DZIP3: variants seen among roughly 807,000 people sequenced by gnomAD.
DZIP3 encodes DAZ interacting zinc finger protein 3.
In DZIP3, 118 loss-of-function variants were observed where a neutral mutation model predicts 162.0. The observed-to-expected ratio is 0.73, with a 90% CI of 0.63 to 0.85. The LOEUF is 0.85. Ranked by LOEUF, DZIP3 falls within the 40% of genes least tolerant of loss-of-function variation. The pLI, the probability that DZIP3 is intolerant of heterozygous loss-of-function variation, is 0.00. For missense variants in DZIP3, 1,331 were observed against 1,407.0 expected (o/e 0.95, Z 0.86); for synonymous variants, 438 against 458.6 (o/e 0.96, Z 0.57).
rs776177323 is a variant in DZIP3, at chr3:108,672,704, A to G, written c.2589+48A>G. 4.7e-5 allele frequency: 66 copies of G among 1,399,370 alleles called. 1 individual carries two copies. The South Asian group carries it at 5.2e-4, about 11-fold the overall frequency. The allele number at this position is 1,399,370 out of a possible 1,614,324, so 86.7% of individuals were successfully genotyped here. On this transcript the variant is annotated intron_variant, in intron 23 of 32. Coordinates refer to ENST00000361582, the MANE Select transcript of DZIP3 (RefSeq NM_014648.4). ...GGTATGGGGTGAGGGGAAAAGTTTTACTTGTATACCATCATACTAAAGAAT... is the reference window on the plus strand; with the variant it reads ...GGTATGGGGTGAGGGGAAAAGTTTTGCTTGTATACCATCATACTAAAGAAT...
At position 108,678,274 on chromosome 3, in the gene DZIP3, T is replaced by A. The variant is rs188858667; in HGVS notation, c.2883+676T>A. Among the ~76,000 whole-genome samples the A allele has an allele frequency of 9.8e-4, 149 of 152,044 alleles. 1 individual carries two copies. The highest frequency in any genetic ancestry group is 3.0e-3 in the African/African-American group (125 of 41,498). ...ATTATAGTGAGTTATATGATTATTT[T>A]ATTATATATTACAATGTAATAATAC... On this transcript the variant is annotated intron_variant, in intron 26 of 32. Coordinates refer to ENST00000361582, the MANE Select transcript of DZIP3 (RefSeq NM_014648.4).
intron 16 of DZIP3, 127 bp downstream of exon 16, chr3:108,648,239 G>A: frequency 2.4e-6 from 2 of 825,556 alleles, no homozygotes; most frequent in East Asian, 3.1e-5. Context: ...TACAGAGCTT[G>A]AATTGGAATG....
intron 21 of DZIP3, among the ~76,000 whole-genome samples, chr3:108,666,813 C>T (rs1248474411): frequency 8.6e-5 from 13 of 152,008 alleles, no homozygotes; most frequent in Non-Finnish European, 1.6e-4. Context: ...AAGAAGAGCT[C>T]TCAAGAGAAA....
At chr3:108,655,782 C>T (rs972709070) in intron 19 of DZIP3, among the ~76,000 whole-genome samples, 5 of 152,156 alleles carry the variant, frequency 3.3e-5, no homozygotes, top group South Asian at 2.1e-4. Flanking sequence ...CCTGGAAAAT[C>T]GGGTCACTCC....
intron 32 of DZIP3, among the ~76,000 whole-genome samples, 171 bp from the exon 33 acceptor site, chr3:108,693,189 G>A (rs867980617): frequency 1.5e-4 from 22 of 150,776 alleles, no homozygotes; most frequent in Middle Eastern, 3.4e-3. Flanking sequence ...ACTGGGGAGG[G>A]GGTATTGTTT....
intron 1 of DZIP3, chr3:108,603,348 T>G (rs1331774655): frequency 6.6e-6 from 1 of 152,236 alleles, no homozygotes; most frequent in African/African-American, 2.4e-5. Flanking sequence ...TGTCTTTTTC[T>G]ATACAGCTTT....
chr3:108,693,219 A>G (rs1402280050), intron 32 of DZIP3, 141 bp from the exon 33 acceptor site: 1 of 151,204 alleles, frequency 6.6e-6, no homozygotes, highest in East Asian at 1.9e-4. Context: ...ATATGAGGTT[A>G]TTTGCCATGA....
intron 32 of DZIP3, chr3:108,691,136 C>A: frequency 3.0e-6 from 1 of 333,354 alleles, no homozygotes; most frequent in Non-Finnish European, 5.4e-6. Context: ...AGGTTTTTTT[C>A]TTGTAGTGGA....
intron 10 of DZIP3, 73 bp from the exon 11 acceptor site, chr3:108,636,543 T>G: frequency 9.9e-7 from 1 of 1,005,552 alleles, no homozygotes; most frequent in Non-Finnish European, 1.4e-6. Flanking sequence ...CTAACTACAT[T>G]TATTTAAATA....
At chr3:108,677,795 G>A (rs1474018908) in intron 26 of DZIP3, among the ~76,000 whole-genome samples, 197 bp downstream of exon 26, 1 of 152,032 alleles carries the variant, frequency 6.6e-6, no homozygotes, top group Non-Finnish European at 1.5e-5. Context: ...TATACAATAG[G>A]TTGTATCACT....
chr3:108,641,645 C>G (rs1430545736), intron 12 of DZIP3, among the ~76,000 whole-genome samples: 1 of 152,180 alleles, frequency 6.6e-6, no homozygotes, highest in Non-Finnish European at 1.5e-5. Flanking sequence ...TACAAATGTA[C>G]ACTCCCCACC....
At chr3:108,623,648 A>G (rs992884356) in intron 5 of DZIP3, among the ~76,000 whole-genome samples, 2 of 152,192 alleles carry the variant, frequency 1.3e-5, no homozygotes, top group East Asian at 1.9e-4. Flanking sequence ...CCCATCTGGT[A>G]TCTTACTAGG....
chr3:108,608,759 CATT>C (rs1940531345), intron 3 of DZIP3, among the ~76,000 whole-genome samples: 1 of 152,108 alleles, frequency 6.6e-6, no homozygotes, highest in Non-Finnish European at 1.5e-5. Context: ...GTTAGGTTCT[CATT>C]AGTATAATTT....
intron 8 of DZIP3, among the ~76,000 whole-genome samples, chr3:108,631,007 C>CCACACACACACACACACACA (rs1941809749): frequency 3.1e-5 from 1 of 32,464 alleles, no homozygotes; most frequent in Admixed American, 3.3e-4. Flanking sequence ...TATACATCCC[C>CCACACACACACACACACACA]TACACACACA....
chr3:108,658,868 C>T lies in DZIP3; in HGVS notation c.2200-3009C>T, dbSNP rs571745748. The stretch of plus-strand genomic sequence containing the variant: ...TCAGAGAATACTATAAACACCTCTA[C>T]GCAAATAAACTAGAAAATCTAGAAG... On this transcript the variant is annotated intron_variant, in intron 19 of 32. Transcript: ENST00000361582. 4.4e-3 allele frequency among the ~76,000 whole-genome samples: 676 copies of T among 151,946 alleles called. 2 individuals carry two copies. The highest frequency in any genetic ancestry group is 0.014 in the Middle Eastern group (4 of 294).
At chr3:108,635,091 T>C in intron 10 of DZIP3, 119 bp downstream of exon 10, 1 of 570,010 alleles carries the variant, frequency 1.8e-6, no homozygotes, top group Non-Finnish European at 3.0e-6. Context: ...ACTTCCTCCT[T>C]TTTTTCTTTT....
At chr3:108,651,467 A>G (rs909584194) in intron 18 of DZIP3, among the ~76,000 whole-genome samples, 1 of 151,638 alleles carries the variant, frequency 6.6e-6, no homozygotes, top group Non-Finnish European at 1.5e-5. Flanking sequence ...TAGTCTAGAC[A>G]TTGTAGTCTA....
At chr3:108,600,262 A>C (rs1241153568) in intron 1 of DZIP3, among the ~76,000 whole-genome samples, 1 of 152,188 alleles carries the variant, frequency 6.6e-6, no homozygotes, top group African/African-American at 2.4e-5. Context: ...TGAGTTAGGA[A>C]ATCCAGCTTT....
chr3:108,688,228 T>G, intron 29 of DZIP3, 132 bp downstream of exon 29: 2 of 1,136,960 alleles, frequency 1.8e-6, no homozygotes, highest in East Asian at 5.1e-5. Flanking sequence ...CTATTAACAG[T>G]AAATAACAAC....
Sources: allele counts gnomAD v4.1 joint callset (sites outside exome capture counted in the v4.1 genomes callset), GRCh38; gene constraint gnomAD v4.1.1; transcripts MANE v1.5; gene names NCBI Gene and HGNC (gene_info 2026-07-23, HGNC 2026-07-21).